Variants in NCAM2 observed in about 807,000 individuals in gnomAD.
NCAM2 encodes the protein neural cell adhesion molecule 2, also known as N-CAM-2.
NCAM2 carries 30 observed loss-of-function variants against 98.1 expected under a neutral mutation model. That is an observed-to-expected ratio of 0.31 (90% CI 0.23 to 0.41). NCAM2 has a LOEUF of 0.41. Ranked by LOEUF, NCAM2 falls within the 10% of genes least tolerant of loss-of-function variation. The pLI is 1.00. For synonymous variants in NCAM2, 368 were observed against 342.4 expected (o/e 1.07, Z -0.83); for missense variants, 867 against 1,005.8 (o/e 0.86, Z 1.87).
At chr21:21,273,103 A>C (rs1158091655) in intron 1 of NCAM2, among the ~76,000 whole-genome samples, 2 of 152,044 alleles carry the variant, frequency 1.3e-5, no homozygotes, top group Non-Finnish European at 2.9e-5. Flanking sequence ...GGACCAAACA[A>C]ATGGCTGGAT....
In NCAM2 at chr21:21,451,586, T is replaced by G. The variant is rs114837641; in HGVS notation, c.1655-15020T>G. Among the ~76,000 whole-genome samples the G allele has an allele frequency of 3.7e-3, 564 of 152,278 alleles. 5 individuals are homozygous for G. Among genetic ancestry groups the G allele is most frequent in the African/African-American group, 0.012 (505 of 41,570 alleles). On this transcript the variant is annotated intron_variant, in intron 12 of 17. Transcript: ENST00000400546. ...AAGCACAGTCTTAATTGTTACTACT[T>G]CTTTCTCCCACCCTTTAAATTAAAA...
intron 1 of NCAM2, among the ~76,000 whole-genome samples, chr21:21,071,825 A>G (rs2065570338): frequency 6.6e-6 from 1 of 152,206 alleles, no homozygotes. Flanking sequence ...AGTAAATGTT[A>G]GCTACATAAT....
chr21:21,521,283 G>A (rs1219751913), intron 16 of NCAM2, among the ~76,000 whole-genome samples: 2 of 152,102 alleles, frequency 1.3e-5, no homozygotes, highest in African/African-American at 2.4e-5. Context: ...CTAATCATGG[G>A]ATGATAGTCT....
At chr21:21,184,059 ATACT>A (rs2068561509) in intron 1 of NCAM2, among the ~76,000 whole-genome samples, 1 of 152,108 alleles carries the variant, frequency 6.6e-6, no homozygotes, top group South Asian at 2.1e-4. Context: ...TCGTTTTCTA[ATACT>A]TATATAGTAA....
chr21:21,244,307 T>C (rs566213973), intron 1 of NCAM2, among the ~76,000 whole-genome samples: 1 of 152,284 alleles, frequency 6.6e-6, no homozygotes, highest in East Asian at 1.9e-4. Context: ...AAACCCGTAG[T>C]AACTGGAAAT....
chr21:21,218,127 T>G (rs140480590), intron 1 of NCAM2, among the ~76,000 whole-genome samples: 72 of 152,340 alleles, frequency 4.7e-4, no homozygotes, highest in African/African-American at 1.7e-3. Context: ...TGTGGTCATT[T>G]ATTACGGCAA....
intron 1 of NCAM2, among the ~76,000 whole-genome samples, chr21:21,279,531 G>C (rs1461756522): frequency 6.6e-6 from 1 of 151,838 alleles, no homozygotes; most frequent in Non-Finnish European, 1.5e-5. Context: ...GCTAATTTTT[G>C]CATTTTTAGT....
At chr21:21,270,322 C>A (rs1259740030) in intron 1 of NCAM2, among the ~76,000 whole-genome samples, 1 of 152,098 alleles carries the variant, frequency 6.6e-6, no homozygotes, top group Non-Finnish European at 1.5e-5. Flanking sequence ...GTACTCAGGG[C>A]CTAACTACCA....
intron 8 of NCAM2, among the ~76,000 whole-genome samples, chr21:21,343,411 G>A (rs1019094761): frequency 3.4e-5 from 5 of 145,130 alleles, no homozygotes; most frequent in African/African-American, 2.6e-5. Flanking sequence ...CATGAGAACC[G>A]AAAATCAGGT....
At chr21:21,377,922 A>T (rs2076068913) in intron 9 of NCAM2, among the ~76,000 whole-genome samples, 1 of 151,962 alleles carries the variant, frequency 6.6e-6, no homozygotes. Context: ...CAGTTAAGGA[A>T]GATTATGAGG....
At chr21:21,224,067 G>A (rs1207867738) in intron 1 of NCAM2, among the ~76,000 whole-genome samples, 4 of 152,136 alleles carry the variant, frequency 2.6e-5, no homozygotes, top group Non-Finnish European at 4.4e-5. Context: ...CTTTTCTTGT[G>A]AAGCCACTGA....
chr21:21,156,584 A>ATAGG (rs1433397685), intron 1 of NCAM2, among the ~76,000 whole-genome samples: 1 of 140,924 alleles, frequency 7.1e-6, no homozygotes, highest in African/African-American at 2.6e-5. Context: ...TAGATTATAG[A>ATAGG]TAGATAGATA....
chr21:20,998,917 C>T (rs905125748), intron 1 of NCAM2, among the ~76,000 whole-genome samples: 3 of 151,752 alleles, frequency 2.0e-5, no homozygotes, highest in African/African-American at 4.8e-5. Context: ...ATGGCTTTCT[C>T]TTATTTTTAT....
intron 11 of NCAM2, among the ~76,000 whole-genome samples, chr21:21,423,593 C>A (rs1366938065): frequency 6.6e-6 from 1 of 151,844 alleles, no homozygotes; most frequent in Non-Finnish European, 1.5e-5. Flanking sequence ...TTATTTTTTT[C>A]CATTTAGGAG....
intron 14 of NCAM2, among the ~76,000 whole-genome samples, chr21:21,470,153 A>G (rs76743956): frequency 0.019 from 2,936 of 152,178 alleles, 40 homozygotes; most frequent in Non-Finnish European, 0.029. Context: ...TAGTGGCCCC[A>G]GTCATTGATG....
chr21:21,037,269 A>G (rs1216224008), intron 1 of NCAM2, among the ~76,000 whole-genome samples: 1 of 152,162 alleles, frequency 6.6e-6, no homozygotes, highest in African/African-American at 2.4e-5. Flanking sequence ...ATAGCAAGTG[A>G]CTATAGCTAA....
chr21:21,141,428 T>G (rs2067166079), intron 1 of NCAM2, among the ~76,000 whole-genome samples: 1 of 152,196 alleles, frequency 6.6e-6, no homozygotes, highest in Non-Finnish European at 1.5e-5. Flanking sequence ...TAGCAGATAT[T>G]TTTATAAAAA....
intron 8 of NCAM2, among the ~76,000 whole-genome samples, chr21:21,343,982 A>C (rs538438290): frequency 5.9e-5 from 9 of 152,266 alleles, no homozygotes; most frequent in African/African-American, 2.2e-4. Context: ...TGGCTCCAAA[A>C]GAGACCTCTT....
intron 1 of NCAM2, among the ~76,000 whole-genome samples, chr21:21,159,149 G>T (rs1383760182): frequency 6.6e-6 from 1 of 151,960 alleles, no homozygotes; most frequent in Admixed American, 6.6e-5. Flanking sequence ...ATTGAAAGTA[G>T]AAAAATTTGT....
Sources: gnomAD v4.1 joint callset for allele counts (sites outside exome capture counted in the v4.1 genomes callset) on GRCh38, gnomAD v4.1.1 for gene constraint, MANE v1.5 for transcripts, NCBI Gene and HGNC (gene_info 2026-07-23, HGNC 2026-07-21) for gene names.